TNS3: variants seen among roughly 807,000 people sequenced by gnomAD.
TNS3 encodes tensin-3.
Under a neutral mutation model 140.9 loss-of-function variants are expected in TNS3, and 45 were observed. The ratio of observed to expected loss-of-function variants is 0.32; its 90% confidence interval spans 0.25 to 0.41. The LOEUF is 0.41. TNS3 is among the 10% of genes least tolerant of loss of function. The pLI, the probability that TNS3 is intolerant of heterozygous loss-of-function variation, is 1.00. For missense variants in TNS3, 1,716 were observed against 1,906.7 expected (o/e 0.90, Z 1.86); for synonymous variants, 815 against 788.4 (o/e 1.03, Z -0.56).
chr7:47,279,055 G>A (rs1185574707), intron 30 of TNS3: 1 of 152,426 alleles, frequency 6.6e-6, no homozygotes, highest in Non-Finnish European at 1.5e-5. Context: ...CTACCAGCCA[G>A]AGTGGGAGTG....
intron 17 of TNS3, among the ~76,000 whole-genome samples, chr7:47,355,236 G>T (rs1789924803): frequency 6.6e-6 from 1 of 152,246 alleles, no homozygotes; most frequent in East Asian, 1.9e-4. Flanking sequence ...CACCGAGCCT[G>T]CGAGGCAGGA....
intron 20 of TNS3, among the ~76,000 whole-genome samples, chr7:47,327,864 G>A (rs1788110464): frequency 6.6e-6 from 1 of 152,094 alleles, no homozygotes; most frequent in Non-Finnish European, 1.5e-5. Context: ...TGGAGCCCAG[G>A]AGATCAAGTT....
At chr7:47,454,871 G>A (rs945758979) in intron 4 of TNS3, among the ~76,000 whole-genome samples, 1 of 152,312 alleles carries the variant, frequency 6.6e-6, no homozygotes, top group Admixed American at 6.5e-5. Context: ...ATGAGCCCGT[G>A]TTAATGTCAG....
chr7:47,570,602 G>A (rs561822805), intron 1 of TNS3, among the ~76,000 whole-genome samples: 3 of 152,314 alleles, frequency 2.0e-5, no homozygotes, highest in Non-Finnish European at 2.9e-5. Context: ...AAAATGTGCC[G>A]GCATTTCCCT....
intron 4 of TNS3, among the ~76,000 whole-genome samples, chr7:47,451,220 G>C (rs946953434): frequency 2.0e-5 from 3 of 152,194 alleles, no homozygotes; most frequent in Admixed American, 2.0e-4. Context: ...GGTGTCCCCA[G>C]GGCCTGTGCG....
At chr7:47,340,634 T>C (rs1443267970) in intron 20 of TNS3, among the ~76,000 whole-genome samples, 1 of 147,068 alleles carries the variant, frequency 6.8e-6, no homozygotes, top group Non-Finnish European at 1.5e-5. Context: ...CAGGCTGGAG[T>C]GCAGTGGTGC....
chr7:47,392,442 C>T (rs528608623), intron 16 of TNS3, among the ~76,000 whole-genome samples: 27 of 152,282 alleles, frequency 1.8e-4, no homozygotes, highest in African/African-American at 6.5e-4. Context: ...ATAAATGCGG[C>T]TTAAGTCAAC....
At chr7:47,568,626 G>A (rs932422760) in intron 1 of TNS3, among the ~76,000 whole-genome samples, 4 of 152,214 alleles carry the variant, frequency 2.6e-5, no homozygotes, top group African/African-American at 4.8e-5. Context: ...CCCTGCCTGC[G>A]GCCTCCACTC....
At chr7:47,570,184 A>G (rs1800521557) in intron 1 of TNS3, among the ~76,000 whole-genome samples, 1 of 152,244 alleles carries the variant, frequency 6.6e-6, no homozygotes, top group Non-Finnish European at 1.5e-5. Flanking sequence ...TAAACATTAC[A>G]CAAGGGATTA....
At chr7:47,447,559 G>A (rs943534436) in intron 4 of TNS3, among the ~76,000 whole-genome samples, 6 of 152,016 alleles carry the variant, frequency 3.9e-5, no homozygotes, top group African/African-American at 9.7e-5. Context: ...CTCATGTCCC[G>A]ACCTCACCTT....
intron 23 of TNS3, among the ~76,000 whole-genome samples, chr7:47,300,111 T>C (rs570867911): frequency 1.8e-4 from 28 of 152,284 alleles, no homozygotes; most frequent in Middle Eastern, 6.8e-3. Flanking sequence ...ATCTGGGTGT[T>C]TTTTTTCCTC....
intron 16 of TNS3, among the ~76,000 whole-genome samples, chr7:47,374,166 C>G (rs1434002614): frequency 6.6e-6 from 1 of 152,216 alleles, no homozygotes; most frequent in Non-Finnish European, 1.5e-5. Flanking sequence ...AAAGGTTAGC[C>G]CATTTGCCCA....
intron 4 of TNS3, among the ~76,000 whole-genome samples, chr7:47,461,043 CCA>C (rs2151689291): frequency 6.6e-6 from 1 of 152,260 alleles, no homozygotes; most frequent in African/African-American, 2.4e-5. Context: ...TAGAATGTGT[CCA>C]GTCTCACTGA....
At chr7:47,477,687 C>A (rs913798819) in intron 4 of TNS3, among the ~76,000 whole-genome samples, 1 of 152,162 alleles carries the variant, frequency 6.6e-6, no homozygotes, top group Admixed American at 6.5e-5. Context: ...CAGGTGACAT[C>A]GGGGATGTCA....
intron 2 of TNS3, among the ~76,000 whole-genome samples, chr7:47,527,112 C>T (rs925225313): frequency 6.6e-6 from 1 of 151,922 alleles, no homozygotes; most frequent in Non-Finnish European, 1.5e-5. Context: ...TGGCGGGCGC[C>T]TGTAGTCCCA....
intron 16 of TNS3, among the ~76,000 whole-genome samples, chr7:47,384,555 C>T (rs989093295): frequency 6.6e-6 from 1 of 152,234 alleles, no homozygotes; most frequent in East Asian, 1.9e-4. Flanking sequence ...CTTTAGATAA[C>T]TTTCTTTGGT....
intron 3 of TNS3, among the ~76,000 whole-genome samples, chr7:47,502,630 C>G (rs546004196): frequency 1.2e-3 from 181 of 152,334 alleles, no homozygotes; most frequent in Non-Finnish European, 1.2e-3. Context: ...CTCCTGTAGT[C>G]TCAGCTTAAA....
intron 16 of TNS3, among the ~76,000 whole-genome samples, chr7:47,385,184 G>A (rs963617404): frequency 6.6e-6 from 1 of 152,198 alleles, no homozygotes; most frequent in African/African-American, 2.4e-5. Flanking sequence ...TCAGTCTCCT[G>A]CCTCTGTCAA....
chr7:47,296,634 C>G (rs1786040930), intron 24 of TNS3, among the ~76,000 whole-genome samples: 1 of 152,088 alleles, frequency 6.6e-6, no homozygotes, highest in African/African-American at 2.4e-5. Flanking sequence ...TCTAAAAATG[C>G]CCTACTGGGT....
Sources: allele counts gnomAD v4.1 joint callset (sites outside exome capture counted in the v4.1 genomes callset), GRCh38; gene constraint gnomAD v4.1.1; transcripts MANE v1.5; gene names NCBI Gene and HGNC (gene_info 2026-07-23, HGNC 2026-07-21).